Variants in TGFA observed in about 807,000 individuals in gnomAD.
TGFA encodes the protein transforming growth factor alpha.
TGFA carries 12 observed loss-of-function variants against 21.7 expected under a neutral mutation model. That is an observed-to-expected ratio of 0.55 (90% CI 0.35 to 0.90). The LOEUF is 0.90. Among genes scored for constraint, TGFA ranks in the 40% least tolerant of loss-of-function variants. TGFA has a pLI of 0.01. For missense variants in TGFA, 178 were observed against 210.8 expected, an observed-to-expected ratio of 0.84 and a Z score of 0.96; for synonymous variants, 79 against 88.1, an observed-to-expected ratio of 0.90 and a Z score of 0.58.
intron 2 of TGFA, among the ~76,000 whole-genome samples, chr2:70,511,954 T>C (rs988547306): frequency 1.6e-4 from 24 of 146,488 alleles, no homozygotes; most frequent in Non-Finnish European, 3.5e-4. Flanking sequence ...GGGCAGTGAG[T>C]GTGGCTGGTG....
At chr2:70,471,444 C>T (rs1670747314) in intron 2 of TGFA, among the ~76,000 whole-genome samples, 1 of 152,208 alleles carries the variant, frequency 6.6e-6, no homozygotes, top group Non-Finnish European at 1.5e-5. Flanking sequence ...GCTTGTGCGC[C>T]CCTAGGGTGC....
chr2:70,530,958 T>C (rs1254104969), intron 1 of TGFA, among the ~76,000 whole-genome samples: 2 of 152,172 alleles, frequency 1.3e-5, no homozygotes, highest in African/African-American at 4.8e-5. Context: ...GTCTCCACTT[T>C]CCTTTATATC....
At chr2:70,547,529 C>T (rs1367167148) in intron 1 of TGFA, among the ~76,000 whole-genome samples, 7 of 138,470 alleles carry the variant, frequency 5.1e-5, no homozygotes, top group African/African-American at 1.1e-4. Context: ...GGCAACAGAG[C>T]GAGCCTCCAT....
intron 2 of TGFA, among the ~76,000 whole-genome samples, chr2:70,477,268 G>T (rs1559109888): frequency 6.6e-6 from 1 of 152,190 alleles, no homozygotes; most frequent in Non-Finnish European, 1.5e-5. Flanking sequence ...GAAGACAGAA[G>T]ATGCTTAGAA....
At chr2:70,531,363 T>A (rs186600662) in intron 1 of TGFA, among the ~76,000 whole-genome samples, 22 of 152,278 alleles carry the variant, frequency 1.4e-4, no homozygotes, top group Non-Finnish European at 2.9e-4. Context: ...CTAACAGGAC[T>A]CCGTAGTGAT....
At chr2:70,524,655 G>A (rs1444943409) in intron 1 of TGFA, among the ~76,000 whole-genome samples, 17 of 152,256 alleles carry the variant, frequency 1.1e-4, no homozygotes, top group Admixed American at 1.1e-3. Flanking sequence ...AGGCCTTGAG[G>A]TGTCTCTGGA....
chr2:70,540,265 A>G (rs1229080034), intron 1 of TGFA, among the ~76,000 whole-genome samples: 1 of 152,200 alleles, frequency 6.6e-6, no homozygotes, highest in Non-Finnish European at 1.5e-5. Flanking sequence ...TTGGTCCTGA[A>G]TATTTTCTGC....
At chr2:70,476,918 C>A (rs1168206531) in intron 2 of TGFA, among the ~76,000 whole-genome samples, 2 of 152,148 alleles carry the variant, frequency 1.3e-5, no homozygotes, top group Admixed American at 1.3e-4. Flanking sequence ...GATAAAAGCC[C>A]TTCAATCAAG....
intron 2 of TGFA, among the ~76,000 whole-genome samples, chr2:70,471,201 C>T (rs1553493168): frequency 6.6e-6 from 1 of 152,032 alleles, no homozygotes; most frequent in African/African-American, 2.4e-5. Context: ...CCCCCACCAC[C>T]CAGGAAGTTC....
chr2:70,534,249 C>G (rs1672906845), intron 1 of TGFA, among the ~76,000 whole-genome samples: 1 of 152,214 alleles, frequency 6.6e-6, no homozygotes, highest in African/African-American at 2.4e-5. Context: ...TTGGTGGGGA[C>G]AAGTCTGAAA....
At chr2:70,477,572 C>G (rs1428228253) in intron 2 of TGFA, among the ~76,000 whole-genome samples, 9 of 152,220 alleles carry the variant, frequency 5.9e-5, no homozygotes, top group African/African-American at 2.2e-4. Context: ...CCCAGCCTCC[C>G]TTGCAGTTAG....
intron 2 of TGFA, among the ~76,000 whole-genome samples, chr2:70,486,325 A>G (rs1671270709): frequency 6.6e-6 from 1 of 152,152 alleles, no homozygotes; most frequent in African/African-American, 2.4e-5. Context: ...GTGTCTGAGT[A>G]CCTCTAAGGT....
chr2:70,478,587 G>C (rs1291020416), intron 2 of TGFA, among the ~76,000 whole-genome samples: 1 of 151,772 alleles, frequency 6.6e-6, no homozygotes, highest in Non-Finnish European at 1.5e-5. Flanking sequence ...CCATTCTTTA[G>C]TTTTACTGGC....
At chr2:70,514,617 C>G (rs1463403967) in intron 2 of TGFA, among the ~76,000 whole-genome samples, 1 of 152,114 alleles carries the variant, frequency 6.6e-6, no homozygotes, top group African/African-American at 2.4e-5. Flanking sequence ...ATTGTCTGAA[C>G]AGCTGAAGAG....
chr2:70,514,750 G>C (rs1433898833), intron 2 of TGFA, 109 bp downstream of exon 2: 4 of 1,168,510 alleles, frequency 3.4e-6, no homozygotes, highest in Non-Finnish European at 5.0e-6. Context: ...CGGGACAGGC[G>C]TGTGCTCGGT....
chr2:70,533,609 A>T (rs1553503995), intron 1 of TGFA, among the ~76,000 whole-genome samples: 1 of 123,332 alleles, frequency 8.1e-6, no homozygotes, highest in Non-Finnish European at 1.8e-5. Flanking sequence ...GACCAGCAGG[A>T]TAGGCTGCTG....
intron 2 of TGFA, among the ~76,000 whole-genome samples, chr2:70,471,207 A>G (rs1553493170): frequency 6.6e-6 from 1 of 151,842 alleles, no homozygotes; most frequent in Admixed American, 6.6e-5. Flanking sequence ...CCACCCAGGA[A>G]GTTCAATGTG....
chr2:70,548,581 A>G (rs1204625829), intron 1 of TGFA, among the ~76,000 whole-genome samples: 1 of 152,224 alleles, frequency 6.6e-6, no homozygotes, highest in Non-Finnish European at 1.5e-5. Flanking sequence ...CAACAACAAC[A>G]AAAATTAAAG....
chr2:70,514,967 C>A, intron 1 of TGFA, 55 bp from the exon 2 acceptor site: 3 of 1,557,352 alleles, frequency 1.9e-6, no homozygotes, highest in South Asian at 1.1e-5. Context: ...CAAATGATGT[C>A]CTCAGACGCT....
Sources: allele counts gnomAD v4.1 joint callset (sites outside exome capture counted in the v4.1 genomes callset), GRCh38; gene constraint gnomAD v4.1.1; transcripts MANE v1.5; gene names NCBI Gene and HGNC (gene_info 2026-07-23, HGNC 2026-07-21).